Variants in PLEKHO1 observed in about 807,000 individuals in gnomAD.
The protein encoded by PLEKHO1 is pleckstrin homology domain containing O1.
Under a neutral mutation model 41.4 loss-of-function variants are expected in PLEKHO1, and 22 were observed. That is an observed-to-expected ratio of 0.53 (90% CI 0.38 to 0.76). The LOEUF is 0.76. Ranked by LOEUF, PLEKHO1 falls within the 30% of genes least tolerant of loss-of-function variation. The pLI is 0.00. For missense variants in PLEKHO1, 488 were observed against 518.3 expected (o/e 0.94, Z 0.57); for synonymous variants, 225 against 210.8 (o/e 1.07, Z -0.58).
rs1659819627 is a variant in PLEKHO1, at chr1:150,150,186, C to T, written c.-72C>T. On this transcript the variant is annotated 5_prime_UTR_variant, in exon 1 of 6. Coordinates refer to ENST00000369124, the MANE Select transcript of PLEKHO1 (RefSeq NM_016274.6). ...GACGCCCTCCCGCGGGGAAGGAGCC[C>T]CCGCGGTGCCGCCGAGGCCCCGACG... The T allele has an allele frequency of 5.5e-6, 4 of 733,338 alleles. No individual in the cohort carries two copies. The highest frequency in any genetic ancestry group is 6.7e-6 in the Non-Finnish European group (4 of 593,994). The allele number at this position is 733,338 out of a possible 1,614,324, so 45.4% of individuals were successfully genotyped here.
chr1:150,154,185 C>T (rs1050722597), intron 2 of PLEKHO1: 1 of 152,324 alleles, frequency 6.6e-6, no homozygotes, highest in Admixed American at 6.5e-5. Flanking sequence ...ACACTTTCCT[C>T]TCCACGGTTT....
rs1015172200 is a variant in PLEKHO1 at position 150,159,779 on chromosome 1, G to A, written c.*256G>A. 1.2e-5 allele frequency: 5 copies of A among 415,862 alleles called. No homozygotes were observed. The highest frequency in any genetic ancestry group is 6.6e-4 in the Middle Eastern group (1 of 1,526). 25.8% of individuals were successfully genotyped at this position (415,862 alleles called of 1,614,324 possible). ...ACCCAGCCAGAGAGAGAGAAGGCACGGTAAAGACACAGTCTGACCACTCCA... is the reference window on the plus strand; with the variant it reads ...ACCCAGCCAGAGAGAGAGAAGGCACAGTAAAGACACAGTCTGACCACTCCA... On this transcript the variant is annotated 3_prime_UTR_variant, in exon 6 of 6. Coordinates refer to ENST00000369124, the MANE Select transcript of PLEKHO1 (RefSeq NM_016274.6).
At position 150,159,546 on chromosome 1, in the gene PLEKHO1, TGTC is replaced by T. The variant is rs1414400275; in HGVS notation, c.*25_*27del. 5.3e-6 allele frequency: 8 copies of T among 1,496,408 alleles called. No homozygotes were observed. In the East Asian group the frequency reaches 9.2e-5, roughly 17 times the overall value. 92.7% of individuals were successfully genotyped at this position (1,496,408 alleles called of 1,614,324 possible). ...TGAGGGCAGGGTGGGGTCTGGAACT[TGTC>T]GGGTTGGACAGACTCTTATCTCCGT... On this transcript the variant is annotated 3_prime_UTR_variant, in exon 6 of 6. Transcript: ENST00000369124.
At position 150,151,046 on chromosome 1, in the gene PLEKHO1, C is replaced by T. The variant is rs1285271716; in HGVS notation, c.165C>T (p.Ile55=). The stretch of plus-strand genomic sequence containing the variant: ...TGCTGAAAGGGGACCAGCTCTACAT[C>T]TCTGAGAAGGAGGTGGGTGCCTCTT... The part of the protein sequence containing the change: ...YVVLKGDQLY[I]SEKEVKDEKN... The change falls in exon 2 of 6, where the codon ATC becomes ATT. Residue 55 remains isoleucine, a synonymous_variant. Transcript: ENST00000369124. 1 of 1,613,992 alleles carries T rather than the reference C, an allele frequency of 6.2e-7. No homozygotes were observed. The highest frequency in any genetic ancestry group is 1.3e-5 in the African/African-American group (1 of 74,926).
intron 2 of PLEKHO1, 27 bp downstream of exon 2, chr1:150,151,085 C>G (rs1553818863): frequency 1.2e-6 from 2 of 1,612,366 alleles, no homozygotes; most frequent in African/African-American, 1.3e-5. Context: ...TCTAACTCTC[C>G]GTTTTCTCAT....
intron 2 of PLEKHO1, 196 bp from the exon 3 acceptor site, chr1:150,155,870 A>G (rs1164477644): frequency 3.5e-6 from 2 of 569,314 alleles, no homozygotes; most frequent in Non-Finnish European, 6.2e-6. Context: ...ACACCTTAAC[A>G]TTCAAGACTT....
chr1:150,159,113 G>A lies in PLEKHO1; in HGVS notation c.820G>A (p.Glu274Lys), dbSNP rs1553821354. The A allele has an allele frequency of 6.2e-7, 1 of 1,613,328 alleles. No homozygotes were observed. ...GAAAGGCCGCTGCGCCTCCCTGGAG[G>A]AGATCCTATCTCAGCGGGATGCTGC... ...TEKGRCASLE[E>K]ILSQRDAASA... is the part of the protein sequence containing the mutation. The change falls in exon 6 of 6, where the codon GAG becomes AAG. Residue 274 changes from glutamate (E) to lysine (K), a missense_variant. Physicochemically the swap from Glu to Lys is moderately conservative, Grantham distance 56 (BLOSUM62 1). Coordinates refer to ENST00000369124, the MANE Select transcript of PLEKHO1 (RefSeq NM_016274.6).
intron 4 of PLEKHO1, 178 bp from the exon 5 acceptor site, chr1:150,157,207 C>T (rs782724030): frequency 4.4e-5 from 31 of 703,832 alleles, no homozygotes; most frequent in African/African-American, 8.9e-5. Flanking sequence ...TCCTCTTCCC[C>T]GCTTCATGAT....
chr1:150,156,272 C>G, intron 3 of PLEKHO1, 66 bp downstream of exon 3: 1 of 1,349,784 alleles, frequency 7.4e-7, no homozygotes, highest in South Asian at 1.3e-5. Context: ...GGGGAGAACT[C>G]CTTCCCCTCA....
intron 2 of PLEKHO1, among the ~76,000 whole-genome samples, 164 bp downstream of exon 2, chr1:150,151,222 A>G (rs1019026562): frequency 6.6e-6 from 1 of 152,106 alleles, no homozygotes; most frequent in Non-Finnish European, 1.5e-5. Context: ...CCCTTTAATG[A>G]GAAGACCAGA....
chr1:150,150,191 G>A lies in PLEKHO1; in HGVS notation c.-67G>A. The A allele has an allele frequency of 5.0e-6, 4 of 802,832 alleles. No individual in the cohort carries two copies. The highest frequency in any genetic ancestry group is 1.9e-5 in the African/African-American group (1 of 53,792). The allele number at this position is 802,832 out of a possible 1,614,324, so 49.7% of individuals were successfully genotyped here. The stretch of plus-strand genomic sequence containing the variant: ...CCTCCCGCGGGGAAGGAGCCCCCGC[G>A]GTGCCGCCGAGGCCCCGACGCGGGG... On this transcript the variant is annotated 5_prime_UTR_variant, in exon 1 of 6. Coordinates refer to ENST00000369124, the MANE Select transcript of PLEKHO1 (RefSeq NM_016274.6).
chr1:150,157,513 C>T (rs1559962630), intron 5 of PLEKHO1, 27 bp downstream of exon 5: 2 of 1,467,778 alleles, frequency 1.4e-6, no homozygotes, highest in East Asian at 2.3e-5. Flanking sequence ...TAAACATTGC[C>T]AAAGGGCCAA....
At chr1:150,157,114 C>G in intron 4 of PLEKHO1, 99 bp downstream of exon 4, 1 of 794,028 alleles carries the variant, frequency 1.3e-6, no homozygotes, top group South Asian at 1.4e-5. Context: ...CGTTTACTCG[C>G]TCCTCCACCA....
chr1:150,150,805 A>G, intron 1 of PLEKHO1, 107 bp from the exon 2 acceptor site: 5 of 1,043,446 alleles, frequency 4.8e-6, no homozygotes, highest in Non-Finnish European at 4.2e-6. Context: ...CCCCGGCCGC[A>G]GCCTTCGGAG....
intron 2 of PLEKHO1, chr1:150,153,003 A>G (rs886532090): frequency 6.6e-6 from 1 of 152,248 alleles, no homozygotes; most frequent in Non-Finnish European, 1.5e-5. Context: ...TCATGGAGCC[A>G]GCTGTCTCCT....
rs1660210258 is a variant in PLEKHO1 at position 150,157,242 on chromosome 1, TAA to T, written c.424-141_424-140del. 5 of 755,094 alleles carry T rather than the reference TAA, an allele frequency of 6.6e-6. No homozygotes were observed. The Admixed American group carries it at 1.1e-4, about 16-fold the overall frequency. The allele number at this position is 755,094 out of a possible 1,614,324, so 46.8% of individuals were successfully genotyped here. A position where few individuals can be genotyped will look rare whatever the true frequency, so the allele number is the denominator to read the frequency against. On this transcript the variant is annotated intron_variant, in intron 4 of 5. Coordinates refer to ENST00000369124, the MANE Select transcript of PLEKHO1 (RefSeq NM_016274.6). Reference sequence around the variant, plus strand: ...TGGGGGAGCCAGCCTTGGGTCAGCTTAAAGAGCCCCCTTCGTGTCCAGTAAAT... The same window carrying T: ...TGGGGGAGCCAGCCTTGGGTCAGCTTAGAGCCCCCTTCGTGTCCAGTAAAT...
chr1:150,158,971 C>T lies in PLEKHO1; in HGVS notation c.678C>T (p.Asp226=), dbSNP rs142988881. The change falls in exon 6 of 6, where the codon GAC becomes GAT. Residue 226 remains aspartate, a synonymous_variant. Coordinates refer to ENST00000369124, the MANE Select transcript of PLEKHO1 (RefSeq NM_016274.6). ...AQLAGSRRRA[D]SDRIQPSADR... The stretch of plus-strand genomic sequence containing the variant: ...TGGCAGGGAGCCGGCGGAGAGCGGA[C>T]TCAGACCGCATCCAGCCCTCCGCAG... 40 of 1,614,076 alleles carry T rather than the reference C, an allele frequency of 2.5e-5. No individual in the cohort carries two copies. The Admixed American group carries it at 6.5e-4, about 26-fold the overall frequency.
intron 2 of PLEKHO1, chr1:150,153,686 A>G (rs1448704089): frequency 2.0e-5 from 3 of 152,180 alleles, no homozygotes; most frequent in Non-Finnish European, 2.9e-5. Flanking sequence ...CTCAAAGGGC[A>G]TCCTCTCTCA....
Position 150,150,186 on chromosome 1 carries a change from C to G in PLEKHO1, c.-72C>G. On this transcript the variant is annotated 5_prime_UTR_variant, in exon 1 of 6. Transcript: ENST00000369124. ...GACGCCCTCCCGCGGGGAAGGAGCC[C>G]CCGCGGTGCCGCCGAGGCCCCGACG... The G allele has an allele frequency of 1.4e-6, 1 of 733,448 alleles. No homozygotes were observed. Among genetic ancestry groups the G allele is most frequent in the Non-Finnish European group, 1.7e-6 (1 of 593,984 alleles). The allele number at this position is 733,448 out of a possible 1,614,324, so 45.4% of individuals were successfully genotyped here.
Sources: allele counts gnomAD v4.1 joint callset (sites outside exome capture counted in the v4.1 genomes callset), GRCh38; gene constraint gnomAD v4.1.1; transcripts MANE v1.5; gene names NCBI Gene and HGNC (gene_info 2026-07-23, HGNC 2026-07-21).